The following SOX6 variants were observed in gnomAD, a reference collection of about 807,000 sequenced individuals.
SOX6 encodes the protein SRY-box transcription factor 6.
A neutral mutation model predicts 97.8 loss-of-function variants in SOX6; 11 were observed. That is an observed-to-expected ratio of 0.11 (90% confidence interval 0.07 to 0.19). The LOEUF (loss-of-function observed/expected upper bound fraction) is 0.19, where lower values mean the gene tolerates loss of function less well. Among genes scored for constraint, SOX6 ranks in the 10% least tolerant of loss-of-function variants. The pLI, the probability that SOX6 is intolerant of heterozygous loss-of-function variation, is 1.00. For synonymous variants in SOX6, 360 were observed against 371.4 expected (o/e 0.97, Z 0.35); for missense variants, 810 against 1,039.5 (o/e 0.78, Z 3.04).
At chr11:16,646,721 G>A in intron 3 of SOX6, among the ~76,000 whole-genome samples, 1 of 152,126 alleles carries the variant, frequency 6.6e-6, no homozygotes, top group East Asian at 1.9e-4. Context: ...AACATATGAT[G>A]TTTGGTTTTC....
intron 3 of SOX6, among the ~76,000 whole-genome samples, chr11:16,272,881 T>G (rs953657848): frequency 5.9e-5 from 9 of 151,848 alleles, no homozygotes; most frequent in African/African-American, 1.2e-4. Context: ...TTATTTTGAG[T>G]AGCAAAGACC....
At chr11:16,415,423 A>G (rs1390237813) in intron 1 of SOX6, among the ~76,000 whole-genome samples, 1 of 152,166 alleles carries the variant, frequency 6.6e-6, no homozygotes, top group Non-Finnish European at 1.5e-5. Context: ...AAGTTGGTTA[A>G]AAGATACAAA....
intron 4 of SOX6, among the ~76,000 whole-genome samples, chr11:16,567,113 C>T (rs1242313936): frequency 6.6e-6 from 1 of 152,142 alleles, no homozygotes; most frequent in African/African-American, 2.4e-5. Context: ...CACACCTGAC[C>T]TCATCTGACA....
At chr11:16,651,139 C>T (rs544412444) in intron 3 of SOX6, among the ~76,000 whole-genome samples, 1 of 151,860 alleles carries the variant, frequency 6.6e-6, no homozygotes, top group African/African-American at 2.4e-5. Context: ...AAACTGCCTA[C>T]AAAAAGAAAG....
intron 12 of SOX6, among the ~76,000 whole-genome samples, chr11:16,031,705 G>A (rs1442870846): frequency 6.6e-6 from 1 of 152,058 alleles, no homozygotes; most frequent in Non-Finnish European, 1.5e-5. Flanking sequence ...AGTGAGAAGT[G>A]AAGGAAGGAG....
chr11:16,022,061 C>T (rs1283460099), intron 12 of SOX6, among the ~76,000 whole-genome samples: 1 of 152,074 alleles, frequency 6.6e-6, no homozygotes, highest in Non-Finnish European at 1.5e-5. Flanking sequence ...AGCCTGTTCC[C>T]CCCTTTGTAA....
chr11:16,414,318 A>G (rs1858882459), intron 1 of SOX6, among the ~76,000 whole-genome samples: 1 of 152,234 alleles, frequency 6.6e-6, no homozygotes, highest in Non-Finnish European at 1.5e-5. Flanking sequence ...TGCAAATTCA[A>G]GAAACTACTT....
At position 15,968,033 on chromosome 11, in the gene SOX6, A is replaced by G. The variant is rs2119723091; in HGVS notation, c.*4776T>C. On this transcript the variant is annotated 3_prime_UTR_variant, in exon 16 of 16. Coordinates refer to ENST00000683767, the MANE Select transcript of SOX6 (RefSeq NM_001367873.1). Reference sequence around the variant, plus strand: ...ATGTGTTTGCATATCAATATTTTCAATGATATTAGTACAGGGGCACGCTCA... The same window carrying G: ...ATGTGTTTGCATATCAATATTTTCAGTGATATTAGTACAGGGGCACGCTCA... 6.6e-6 allele frequency: 1 copy of G among 152,318 alleles called. No homozygotes were observed. The highest frequency in any genetic ancestry group is 1.5e-5 in the Non-Finnish European group (1 of 68,036). 9.4% of individuals were successfully genotyped at this position (152,318 alleles called of 1,614,324 possible). A position where few individuals can be genotyped will look rare whatever the true frequency, so the allele number is the denominator to read the frequency against.
chr11:16,427,339 T>TC (rs1257256333), intron 1 of SOX6, among the ~76,000 whole-genome samples: 1 of 151,374 alleles, frequency 6.6e-6, no homozygotes, highest in Non-Finnish European at 1.5e-5. Context: ...CTTTTTTTTT[T>TC]TTAATTATAC....
chr11:16,693,125 T>C (rs1363511294), intron 3 of SOX6, among the ~76,000 whole-genome samples: 1 of 152,184 alleles, frequency 6.6e-6, no homozygotes, highest in African/African-American at 2.4e-5. Flanking sequence ...AGAAGTGAGG[T>C]TGAACTAGGT....
intron 3 of SOX6, among the ~76,000 whole-genome samples, chr11:16,305,681 T>C (rs903384417): frequency 5.9e-5 from 9 of 152,012 alleles, no homozygotes; most frequent in African/African-American, 1.7e-4. Flanking sequence ...GTTAAACATA[T>C]GTGATTTATA....
chr11:16,675,509 G>A, intron 3 of SOX6, among the ~76,000 whole-genome samples: 1 of 152,194 alleles, frequency 6.6e-6, no homozygotes, highest in Admixed American at 6.5e-5. Flanking sequence ...AAAAAGAGAA[G>A]AGTTACAAAC....
At chr11:16,208,935 A>G (rs1271065122) in intron 4 of SOX6, among the ~76,000 whole-genome samples, 3 of 152,238 alleles carry the variant, frequency 2.0e-5, no homozygotes, top group African/African-American at 7.2e-5. Context: ...ATTTTGATGT[A>G]GTATTGAAGA....
intron 5 of SOX6, among the ~76,000 whole-genome samples, chr11:16,186,010 A>G (rs1433679147): frequency 6.6e-6 from 1 of 152,184 alleles, no homozygotes. Flanking sequence ...GATCTAAAGC[A>G]TCAGGGACTA....
At chr11:16,733,243 T>G (rs1848364408) in intron 2 of SOX6, among the ~76,000 whole-genome samples, 2 of 152,160 alleles carry the variant, frequency 1.3e-5, no homozygotes, top group African/African-American at 4.8e-5. Context: ...ACCCAAAGGA[T>G]TATAAATCAT....
intron 3 of SOX6, among the ~76,000 whole-genome samples, chr11:16,638,295 C>T (rs982522228): frequency 6.6e-6 from 1 of 152,014 alleles, no homozygotes; most frequent in Non-Finnish European, 1.5e-5. Context: ...TTTCTTAATC[C>T]AGTCTATCAT....
intron 4 of SOX6, among the ~76,000 whole-genome samples, chr11:16,485,787 A>T (rs1860417567): frequency 6.7e-6 from 1 of 149,258 alleles, no homozygotes. Context: ...CCAGCTACCG[A>T]GGAGGCTGAG....
At chr11:16,277,310 C>A (rs189013787) in intron 3 of SOX6, among the ~76,000 whole-genome samples, 240 of 152,184 alleles carry the variant, frequency 1.6e-3, no homozygotes, top group African/African-American at 5.2e-3. Context: ...TCACTGCCCC[C>A]ACCCACTCCA....
At chr11:16,597,471 T>C (rs1356087324) in intron 4 of SOX6, among the ~76,000 whole-genome samples, 2 of 151,834 alleles carry the variant, frequency 1.3e-5, no homozygotes, top group East Asian at 1.9e-4. Flanking sequence ...GCATTACTTT[T>C]CCAAGGTCAC....
Sources: gnomAD v4.1 joint callset for allele counts (sites outside exome capture counted in the v4.1 genomes callset) on GRCh38, gnomAD v4.1.1 for gene constraint, MANE v1.5 for transcripts, NCBI Gene and HGNC (gene_info 2026-07-23, HGNC 2026-07-21) for gene names.